VLDLR: variants seen among roughly 807,000 people sequenced by gnomAD.
VLDLR encodes very low-density lipoprotein receptor.
A neutral mutation model predicts 112.7 loss-of-function variants in VLDLR; 81 were observed. The observed-to-expected ratio is 0.72, with a 90% CI of 0.60 to 0.86. VLDLR has a LOEUF of 0.86. VLDLR is among the 40% of genes least tolerant of loss of function. VLDLR has a pLI of 0.00. For missense variants in VLDLR, 1,237 were observed against 1,099.4 expected, an observed-to-expected ratio of 1.13 and a Z score of -1.77; for synonymous variants, 436 against 384.8, an observed-to-expected ratio of 1.13 and a Z score of -1.56.
intron 1 of VLDLR, among the ~76,000 whole-genome samples, chr9:2,628,038 T>C (rs1024031984): frequency 5.9e-5 from 9 of 152,120 alleles, no homozygotes; most frequent in Non-Finnish European, 1.3e-4. Flanking sequence ...GACAAAAGTT[T>C]TTAGTTCAGA....
chr9:2,644,983 A>G lies in VLDLR; in HGVS notation c.1213A>G (p.Ile405Val), dbSNP rs771268198. 1 of 1,614,092 alleles carries G rather than the reference A, an allele frequency of 6.2e-7. No homozygotes were observed. The highest frequency in any genetic ancestry group is 1.3e-5 in the African/African-American group (1 of 74,930). ...GDIDECQNPGICSQICINLKG... is the reference protein window; with the variant it reads ...GDIDECQNPGVCSQICINLKG... Reference sequence around the variant, plus strand: ...TATTGATGAATGCCAAAATCCAGGAATCTGCAGTCAAATTTGTATCAACTT... The same window carrying G: ...TATTGATGAATGCCAAAATCCAGGAGTCTGCAGTCAAATTTGTATCAACTT... Residue 405 changes from isoleucine to valine, a missense_variant, in exon 9 of 19, where the codon ATC becomes GTC. Ile to Val is a conservative substitution (Grantham distance 29). Transcript: ENST00000382100.
chr9:2,642,844 A>G (rs1487028274), intron 4 of VLDLR, among the ~76,000 whole-genome samples: 5 of 152,196 alleles, frequency 3.3e-5, no homozygotes, highest in Non-Finnish European at 7.3e-5. Flanking sequence ...CTGCCTTCCA[A>G]ATTGAAATCC....
intron 1 of VLDLR, among the ~76,000 whole-genome samples, chr9:2,623,795 A>T (rs1184504562): frequency 1.3e-5 from 2 of 152,132 alleles, no homozygotes; most frequent in African/African-American, 4.8e-5. Flanking sequence ...GGACTCTTTG[A>T]AGAGGACGAA....
intron 1 of VLDLR, among the ~76,000 whole-genome samples, chr9:2,624,344 TG>T (rs1417878700): frequency 1.3e-5 from 2 of 152,346 alleles, no homozygotes; most frequent in East Asian, 3.9e-4. Context: ...GCATGTGGGC[TG>T]ACTTTCTACC....
intron 1 of VLDLR, among the ~76,000 whole-genome samples, chr9:2,633,047 AGAGAGTGTGTGTGTGTGTGTGT>A (rs1428717506): frequency 2.1e-5 from 2 of 95,468 alleles, no homozygotes; most frequent in East Asian, 4.9e-4. Flanking sequence ...AGAGAGAGAG[AGAGAGTGTGTGTGTGTGTGTGT>A]GTGTGTGTGT....
chr9:2,654,266 T>C lies in VLDLR; in HGVS notation c.*398T>C. On this transcript the variant is annotated 3_prime_UTR_variant, in exon 19 of 19. Coordinates refer to ENST00000382100, the MANE Select transcript of VLDLR (RefSeq NM_003383.5). ...TCACTATTCTTAAGCACTTTGAAAA[T>C]ATTTCTATGTAAATTATTGTAAACT... 1 of 185,246 alleles carries C rather than the reference T, an allele frequency of 5.4e-6. No individual in the cohort carries two copies. The highest frequency in any genetic ancestry group is 1.1e-5 in the Non-Finnish European group (1 of 87,268). The allele number at this position is 185,246 out of a possible 1,614,324, so 11.5% of individuals were successfully genotyped here. A position where few individuals can be genotyped will look rare whatever the true frequency, so the allele number is the denominator to read the frequency against.
At chr9:2,628,446 A>G (rs1817194268) in intron 1 of VLDLR, among the ~76,000 whole-genome samples, 1 of 152,204 alleles carries the variant, frequency 6.6e-6, no homozygotes, top group East Asian at 1.9e-4. Flanking sequence ...CTCAGCCCGT[A>G]TAGCAGATGG....
chr9:2,622,970 C>T (rs1816899455), intron 1 of VLDLR, among the ~76,000 whole-genome samples: 1 of 152,210 alleles, frequency 6.6e-6, no homozygotes, highest in Non-Finnish European at 1.5e-5. Flanking sequence ...CCTCGGGCGG[C>T]GTTTGGAAAC....
intron 1 of VLDLR, among the ~76,000 whole-genome samples, chr9:2,627,326 T>G (rs541458070): frequency 6.6e-6 from 1 of 152,302 alleles, no homozygotes; most frequent in South Asian, 2.1e-4. Context: ...CTGCAGATAA[T>G]CCTACAAAAG....
Position 2,654,143 on chromosome 9 carries a change from T to A in VLDLR, c.*275T>A, listed in dbSNP as rs1171613363. The A allele has an allele frequency of 4.3e-6, 2 of 464,332 alleles. No homozygotes were observed. The highest frequency in any genetic ancestry group is 3.4e-5 in the Admixed American group (1 of 29,338). 28.8% of individuals were successfully genotyped at this position (464,332 alleles called of 1,614,324 possible). A position where few individuals can be genotyped will look rare whatever the true frequency, so the allele number is the denominator to read the frequency against. On this transcript the variant is annotated 3_prime_UTR_variant, in exon 19 of 19. Transcript: ENST00000382100. ...GCCACCTCTGGCCAAATATGCACTT[T>A]CCCTAGAAAGCCATATTCCAGCAGT...
At chr9:2,653,244 C>CTATT (rs1270871388) in intron 18 of VLDLR, among the ~76,000 whole-genome samples, 1 of 152,168 alleles carries the variant, frequency 6.6e-6, no homozygotes, top group Non-Finnish European at 1.5e-5. Flanking sequence ...CATTACTGAA[C>CTATT]TATTAAATCC....
Position 2,635,452 on chromosome 9 carries a change from G to C in VLDLR, c.83-1G>C. 1 of 1,613,916 alleles carries C rather than the reference G, an allele frequency of 6.2e-7. No individual in the cohort carries two copies. The highest frequency in any genetic ancestry group is 1.7e-5 in the Admixed American group (1 of 60,006). On this transcript the variant is annotated splice_acceptor_variant, in intron 1 of 18. Coordinates refer to ENST00000382100, the MANE Select transcript of VLDLR (RefSeq NM_003383.5). LOFTEE classifies it high-confidence loss of function. ...TACCGAATGTTCCCTTCTTATTCTAGGGAGAAAAGCCAAATGTGAACCCTC... is the reference window on the plus strand; with the variant it reads ...TACCGAATGTTCCCTTCTTATTCTACGGAGAAAAGCCAAATGTGAACCCTC...
chr9:2,622,773 A>T (rs7872057), intron 1 of VLDLR, among the ~76,000 whole-genome samples: 51,872 of 151,940 alleles, frequency 0.34, 9,572 homozygotes, highest in East Asian at 0.58. Context: ...GCCGGGCTTC[A>T]GAGTCTTCCG....
rs71329437 is a variant in VLDLR, at chr9:2,622,146, A to ACGGCGGCGGCGG, written c.-30_-19dup. 173 of 1,392,370 alleles carry ACGGCGGCGGCGG rather than the reference A, an allele frequency of 1.2e-4. 1 individual carries two copies. The highest frequency in any genetic ancestry group is 7.5e-4 in the South Asian group (52 of 69,612). The allele number at this position is 1,392,370 out of a possible 1,614,324, so 86.3% of individuals were successfully genotyped here. On this transcript the variant is annotated 5_prime_UTR_variant, in exon 1 of 19. Coordinates refer to ENST00000382100, the MANE Select transcript of VLDLR (RefSeq NM_003383.5). ...ACTGGTAACTTGTCGTGCGGAGCGAACGGCGGCGGCGGCGGCGGCGGCGGC... is the reference window on the plus strand; with the variant it reads ...ACTGGTAACTTGTCGTGCGGAGCGAACGGCGGCGGCGGCGGCGGCGGCGGCGGCGGCGGCGGC...
At position 2,643,115 on chromosome 9, in the gene VLDLR, A is replaced by G. The variant is rs1817894409; in HGVS notation, c.449-45A>G. ...ATTTTGGGACAAGAATCTTGAACGG[A>G]CCAATCTTGATGCATTTTCAGTGGG... On this transcript the variant is annotated intron_variant, in intron 4 of 18. Coordinates refer to ENST00000382100, the MANE Select transcript of VLDLR (RefSeq NM_003383.5). 7 of 1,601,268 alleles carry G rather than the reference A, an allele frequency of 4.4e-6. No homozygotes were observed. In the East Asian group the frequency reaches 1.6e-4, roughly 36 times the overall value.
chr9:2,623,474 G>C (rs1284416962), intron 1 of VLDLR, among the ~76,000 whole-genome samples: 3 of 20,226 alleles, frequency 1.5e-4, no homozygotes, highest in Non-Finnish European at 1.2e-3. Context: ...CAGGGGCCCT[G>C]CCGGCCTGCA....
Position 2,622,259 on chromosome 9 carries a change from G to C in VLDLR, c.70G>C (p.Ala24Pro). ...ALCWAPRESG[A>P]TGTGRKAKCE... ...GTGCTGGGCGCCCCGGGAGAGCGGC[G>C]CCACCGGAACCGGTGAGTGAGGACG... Residue 24 changes from alanine to proline, a missense_variant, in exon 1 of 19, where the codon GCC (alanine) becomes CCC (proline). Coordinates refer to ENST00000382100, the MANE Select transcript of VLDLR (RefSeq NM_003383.5). 1 of 1,491,352 alleles carries C rather than the reference G, an allele frequency of 6.7e-7. No individual in the cohort carries two copies. The highest frequency in any genetic ancestry group is 1.3e-5 in the South Asian group (1 of 78,532). The allele number at this position is 1,491,352 out of a possible 1,614,324, so 92.4% of individuals were successfully genotyped here.
chr9:2,639,425 G>A (rs1302582182), intron 2 of VLDLR, among the ~76,000 whole-genome samples: 1 of 152,134 alleles, frequency 6.6e-6, no homozygotes, highest in African/African-American at 2.4e-5. Flanking sequence ...CGTGAATTCT[G>A]GGTGGAGACA....
chr9:2,638,197 C>T (rs1294633907), intron 2 of VLDLR, among the ~76,000 whole-genome samples: 1 of 152,166 alleles, frequency 6.6e-6, no homozygotes, highest in African/African-American at 2.4e-5. Context: ...CTAAAGCTAG[C>T]ATGGCCAGTC....
Sources: gnomAD v4.1 joint callset for allele counts (sites outside exome capture counted in the v4.1 genomes callset) on GRCh38, gnomAD v4.1.1 for gene constraint, MANE v1.5 for transcripts, NCBI Gene and HGNC (gene_info 2026-07-23, HGNC 2026-07-21) for gene names.